Variants in LINGO2 observed in about 807,000 individuals in gnomAD.
LINGO2 encodes the protein leucine rich repeat and Ig domain containing 2, also known as leucine-rich repeat and immunoglobulin-like domain-containing nogo receptor-interacting protein 2.
In LINGO2, 14 loss-of-function variants were observed where a neutral mutation model predicts 30.6. The ratio of observed to expected loss-of-function variants is 0.46; its 90% CI spans 0.30 to 0.72. LINGO2 has a LOEUF of 0.72. Among genes scored for constraint, LINGO2 ranks in the 30% least tolerant of loss-of-function variants. The probability of loss-of-function intolerance (pLI) is 0.07; values close to 1 mark genes in which losing one functional copy is unlikely to be tolerated. For synonymous variants in LINGO2, 317 were observed against 288.5 expected, an observed-to-expected ratio of 1.10 and a Z score of -1.00; for missense variants, 729 against 751.7, an observed-to-expected ratio of 0.97 and a Z score of 0.35.
chr9:27,992,891 A>G (rs1416420778), intron 5 of LINGO2, among the ~76,000 whole-genome samples: 1 of 152,148 alleles, frequency 6.6e-6, no homozygotes, highest in Admixed American at 6.6e-5. Flanking sequence ...GACTTTCTAT[A>G]CATAGACACA....
chr9:28,883,090 T>C, the LINGO2 span, among the ~76,000 whole-genome samples: 1 of 152,154 alleles, frequency 6.6e-6, no homozygotes, highest in East Asian at 1.9e-4. Flanking sequence ...CCCACAAGAT[T>C]ATAGATGATT....
intron 4 of LINGO2, among the ~76,000 whole-genome samples, chr9:28,027,429 G>C (rs558497767): frequency 4.3e-4 from 66 of 152,204 alleles, no homozygotes; most frequent in African/African-American, 1.5e-3. Context: ...ACAATCTCTT[G>C]TGTGCCAGTT....
At chr9:28,757,704 G>T in the LINGO2 span, among the ~76,000 whole-genome samples, 1 of 152,052 alleles carries the variant, frequency 6.6e-6, no homozygotes, top group Non-Finnish European at 1.5e-5. Flanking sequence ...GCTGAACAAG[G>T]AGCCAGTTAG....
At chr9:28,692,266 C>T in the LINGO2 span, among the ~76,000 whole-genome samples, 4 of 151,842 alleles carry the variant, frequency 2.6e-5, no homozygotes, top group Non-Finnish European at 5.9e-5. Flanking sequence ...CCTGAGGTCA[C>T]GAGCTTGAGA....
chr9:27,997,196 T>C (rs768657366), intron 5 of LINGO2, among the ~76,000 whole-genome samples: 17 of 152,298 alleles, frequency 1.1e-4, no homozygotes, highest in Non-Finnish European at 1.9e-4. Context: ...CTGGGTCAAA[T>C]GCATAGGCCA....
At chr9:28,304,433 A>G (rs989387646) in intron 3 of LINGO2, among the ~76,000 whole-genome samples, 1 of 151,820 alleles carries the variant, frequency 6.6e-6, no homozygotes, top group Non-Finnish European at 1.5e-5. Context: ...GAAACATAAG[A>G]TTTTATGTAT....
chr9:28,188,516 A>G (rs1819625238), intron 4 of LINGO2, among the ~76,000 whole-genome samples: 2 of 152,032 alleles, frequency 1.3e-5, no homozygotes, highest in Non-Finnish European at 2.9e-5. Flanking sequence ...CTTTCCTGCA[A>G]TTTTGCCTGG....
At chr9:28,411,907 T>C (rs1384203691) in intron 2 of LINGO2, among the ~76,000 whole-genome samples, 3 of 152,108 alleles carry the variant, frequency 2.0e-5, no homozygotes, top group Non-Finnish European at 4.4e-5. Flanking sequence ...TTCAAATTTC[T>C]TCAAGTTCTT....
chr9:27,939,030 A>ATT, the LINGO2 span: 9 of 152,186 alleles, frequency 5.9e-5, no homozygotes, highest in Non-Finnish European at 1.3e-4. Flanking sequence ...AGATATAAAT[A>ATT]GACATTTAAA....
intron 4 of LINGO2, among the ~76,000 whole-genome samples, chr9:28,253,870 G>A (rs1287567444): frequency 5.9e-5 from 9 of 152,094 alleles, no homozygotes; most frequent in African/African-American, 1.7e-4. Flanking sequence ...AAATGTGCAC[G>A]GGTGGAGCCA....
chr9:28,508,941 C>T (rs905102099), intron 1 of LINGO2, among the ~76,000 whole-genome samples: 9 of 152,028 alleles, frequency 5.9e-5, no homozygotes, highest in African/African-American at 1.9e-4. Flanking sequence ...TGAACTACTT[C>T]ATGCAGTATG....
intron 1 of LINGO2, among the ~76,000 whole-genome samples, chr9:28,515,492 C>T (rs983280611): frequency 1.3e-5 from 2 of 152,290 alleles, no homozygotes; most frequent in East Asian, 1.9e-4. Context: ...AGGCGTGAAC[C>T]GCTGCGCCTG....
intron 2 of LINGO2, among the ~76,000 whole-genome samples, chr9:28,468,921 G>A (rs1436820288): frequency 6.6e-6 from 1 of 151,998 alleles, no homozygotes; most frequent in East Asian, 1.9e-4. Flanking sequence ...GGGTAATACG[G>A]TCCATCAAAA....
intron 4 of LINGO2, among the ~76,000 whole-genome samples, chr9:28,192,221 A>G (rs1212528268): frequency 1.3e-5 from 2 of 152,110 alleles, no homozygotes; most frequent in Admixed American, 6.6e-5. Flanking sequence ...ATTTACATAC[A>G]TACATGCTCA....
intron 4 of LINGO2, among the ~76,000 whole-genome samples, chr9:28,146,845 T>C (rs1465562664): frequency 6.6e-6 from 1 of 152,258 alleles, no homozygotes; most frequent in African/African-American, 2.4e-5. Context: ...GTAAATAATG[T>C]ATTTGCTTTC....
the LINGO2 span, among the ~76,000 whole-genome samples, chr9:28,906,201 TAGG>T: frequency 1.3e-5 from 2 of 151,866 alleles, no homozygotes; most frequent in African/African-American, 4.8e-5. Flanking sequence ...TTCATTTAGA[TAGG>T]AGGAATAATT....
At chr9:28,541,517 C>T (rs1326766488) in intron 1 of LINGO2, among the ~76,000 whole-genome samples, 2 of 152,094 alleles carry the variant, frequency 1.3e-5, no homozygotes, top group African/African-American at 4.8e-5. Context: ...AGTCAACTTT[C>T]CAGATGAGGA....
At chr9:28,319,612 A>C (rs1019976523) in intron 3 of LINGO2, among the ~76,000 whole-genome samples, 7 of 152,164 alleles carry the variant, frequency 4.6e-5, no homozygotes, top group Admixed American at 2.0e-4. Context: ...CACTAAATAA[A>C]AGTGTTACAT....
chr9:29,187,007 G>C, the LINGO2 span, among the ~76,000 whole-genome samples: 1 of 152,050 alleles, frequency 6.6e-6, no homozygotes, highest in African/African-American at 2.4e-5. Flanking sequence ...TTCAACTACA[G>C]ACAGAGAAAT....
Sources: gnomAD v4.1 joint callset for allele counts (sites outside exome capture counted in the v4.1 genomes callset) on GRCh38, gnomAD v4.1.1 for gene constraint, MANE v1.5 for transcripts, NCBI Gene and HGNC (gene_info 2026-07-23, HGNC 2026-07-21) for gene names.